The following HIVEP3 variants were observed in gnomAD, a reference collection of about 807,000 sequenced individuals.
HIVEP3 encodes HIVEP zinc finger 3, also known as transcription factor HIVEP3.
HIVEP3 carries 49 observed loss-of-function variants against 152.8 expected under a neutral mutation model. The observed-to-expected ratio is 0.32, with a 90% confidence interval of 0.26 to 0.41. HIVEP3 has a LOEUF of 0.41. Among genes scored for constraint, HIVEP3 ranks in the 10% least tolerant of loss-of-function variants. The pLI, the probability that HIVEP3 is intolerant of heterozygous loss-of-function variation, is 1.00. For missense variants in HIVEP3, 2,790 were observed against 3,103.3 expected (o/e 0.90, Z 2.40); for synonymous variants, 1,269 against 1,289.0 (o/e 0.98, Z 0.33).
At chr1:41,617,589 A>G (rs1644987774) in intron 3 of HIVEP3, among the ~76,000 whole-genome samples, 1 of 152,256 alleles carries the variant, frequency 6.6e-6, no homozygotes. Context: ...GATCTGGCTT[A>G]TGCCCCTTGC....
intron 1 of HIVEP3, among the ~76,000 whole-genome samples, chr1:41,933,515 A>C (rs1018415806): frequency 2.0e-5 from 3 of 152,140 alleles, no homozygotes; most frequent in Non-Finnish European, 4.4e-5. Context: ...TTTGCACAGC[A>C]TATCTTTTTC....
chr1:41,629,062 G>T, intron 2 of HIVEP3, 115 bp from the exon 3 acceptor site: 2 of 650,236 alleles, frequency 3.1e-6, no homozygotes, highest in Non-Finnish European at 4.3e-6. Context: ...CTCCCAAGCA[G>T]CTTTACTTGG....
At chr1:41,750,779 A>G (rs201384889) in intron 1 of HIVEP3, among the ~76,000 whole-genome samples, 2 of 151,482 alleles carry the variant, frequency 1.3e-5, no homozygotes, top group East Asian at 1.9e-4. Flanking sequence ...GCTCACTGCA[A>G]CCTCTGCCTC....
At chr1:41,651,803 G>A (rs1220450639) in intron 2 of HIVEP3, among the ~76,000 whole-genome samples, 1 of 152,062 alleles carries the variant, frequency 6.6e-6, no homozygotes, top group Non-Finnish European at 1.5e-5. Context: ...GCCACCTCTA[G>A]GCAGTAACAA....
chr1:41,611,638 C>T (rs1342635500), intron 3 of HIVEP3, among the ~76,000 whole-genome samples: 1 of 152,206 alleles, frequency 6.6e-6, no homozygotes, highest in Non-Finnish European at 1.5e-5. Context: ...CATTTCACCT[C>T]CACATGTGGC....
intron 1 of HIVEP3, among the ~76,000 whole-genome samples, chr1:41,701,417 T>C (rs180754839): frequency 1.3e-5 from 2 of 152,332 alleles, no homozygotes; most frequent in East Asian, 3.9e-4. Context: ...TTGTTAGGTG[T>C]TGGTATCAGG....
intron 1 of HIVEP3, among the ~76,000 whole-genome samples, chr1:42,017,942 G>T (rs1352266843): frequency 2.0e-5 from 3 of 152,032 alleles, no homozygotes; most frequent in East Asian, 3.9e-4. Flanking sequence ...ATTTGGTATT[G>T]TCCGACTTTT....
intron 1 of HIVEP3, among the ~76,000 whole-genome samples, chr1:41,879,374 G>T (rs1247735896): frequency 6.6e-6 from 1 of 152,200 alleles, no homozygotes; most frequent in African/African-American, 2.4e-5. Flanking sequence ...CCCTATAAGG[G>T]TTGGTTTCCC....
intron 1 of HIVEP3, among the ~76,000 whole-genome samples, chr1:41,757,063 G>A (rs2124235300): frequency 6.6e-6 from 1 of 150,596 alleles, no homozygotes; most frequent in South Asian, 2.1e-4. Context: ...GCCAGCCTGG[G>A]CAACATAGCA....
chr1:41,743,061 G>T (rs1200293966), intron 1 of HIVEP3, among the ~76,000 whole-genome samples: 1 of 152,080 alleles, frequency 6.6e-6, no homozygotes, highest in Non-Finnish European at 1.5e-5. Context: ...CACATCATGA[G>T]GGGGCATTTT....
chr1:41,859,302 G>T (rs1254269258), intron 1 of HIVEP3, among the ~76,000 whole-genome samples: 1 of 152,190 alleles, frequency 6.6e-6, no homozygotes, highest in East Asian at 1.9e-4. Context: ...TTTGGTAAAT[G>T]AATGGGTTTT....
chr1:41,650,157 C>T (rs1645525302), intron 2 of HIVEP3, among the ~76,000 whole-genome samples: 2 of 152,158 alleles, frequency 1.3e-5, no homozygotes, highest in African/African-American at 2.4e-5. Flanking sequence ...TGGGCAGCAC[C>T]CGGTTAAGGA....
chr1:41,536,968 T>A (rs975646280), intron 5 of HIVEP3, among the ~76,000 whole-genome samples: 1 of 152,164 alleles, frequency 6.6e-6, no homozygotes, highest in Admixed American at 6.5e-5. Context: ...TTCTGTTTTT[T>A]AAAAAACACT....
In HIVEP3 at chr1:41,749,982, G is replaced by C. The variant is rs149440335; in HGVS notation, c.-800-48987C>G. Among the ~76,000 whole-genome samples the C allele has an allele frequency of 1.1e-4, 16 of 152,310 alleles. No individual in the cohort carries two copies. The East Asian group carries it at 2.9e-3, about 28-fold the overall frequency. ...AAACCCTGGCCCAGTTGATCACTTG[G>C]AACCTTTCTGGCTTGTGAGGTCTGA... On this transcript the variant is annotated intron_variant, in intron 1 of 8. Coordinates refer to ENST00000372583, the MANE Select transcript of HIVEP3 (RefSeq NM_024503.5).
chr1:41,875,050 C>T (rs1289116004), intron 1 of HIVEP3, among the ~76,000 whole-genome samples: 1 of 152,176 alleles, frequency 6.6e-6, no homozygotes, highest in African/African-American at 2.4e-5. Flanking sequence ...AGGGATGGAG[C>T]GGGGGAGAGA....
intron 1 of HIVEP3, among the ~76,000 whole-genome samples, chr1:41,954,314 T>C (rs566959901): frequency 6.6e-6 from 1 of 152,234 alleles, no homozygotes; most frequent in Non-Finnish European, 1.5e-5. Context: ...CAAGAACTCA[T>C]TAGTACTTTC....
intron 1 of HIVEP3, among the ~76,000 whole-genome samples, chr1:41,734,199 G>A (rs1646882357): frequency 6.6e-6 from 1 of 152,236 alleles, no homozygotes; most frequent in East Asian, 1.9e-4. Context: ...TGCACTGAGT[G>A]GATGGTGCCT....
At position 41,990,624 on chromosome 1, in the gene HIVEP3, T is replaced by C. The variant is rs1242349177; in HGVS notation, n.119+45183A>G. Among the ~76,000 whole-genome samples, 11 of 150,476 alleles carry C rather than the reference T, an allele frequency of 7.3e-5. 2 individuals are homozygous for C. In the South Asian group the frequency reaches 1.9e-3, roughly 26 times the overall value. ...GAAAGTCAACAAGGATACCCAGGAA[T>C]TGAACTCAGCTCTGCACCAAGCGGA... On this transcript the variant is annotated intron_variant and non_coding_transcript_variant, in intron 1 of 3. Transcript: ENST00000489103.
chr1:41,986,071 A>G (rs1645320709), intron 1 of HIVEP3, among the ~76,000 whole-genome samples: 1 of 152,220 alleles, frequency 6.6e-6, no homozygotes, highest in African/African-American at 2.4e-5. Context: ...CCCTTATCCA[A>G]TTACATGATG....
Sources: allele counts gnomAD v4.1 joint callset (sites outside exome capture counted in the v4.1 genomes callset), GRCh38; gene constraint gnomAD v4.1.1; transcripts MANE v1.5; gene names NCBI Gene and HGNC (gene_info 2026-07-23, HGNC 2026-07-21).